Variants in EYA2 observed in about 807,000 individuals in gnomAD.
The protein encoded by EYA2 is protein phosphatase EYA2.
In EYA2, 31 loss-of-function variants were observed where a neutral mutation model predicts 69.2. The observed-to-expected ratio is 0.45, with a 90% CI of 0.34 to 0.60. The LOEUF is 0.60. Among genes scored for constraint, EYA2 ranks in the 20% least tolerant of loss-of-function variants. The pLI, the probability that EYA2 is intolerant of heterozygous loss-of-function variation, is 0.02. For synonymous variants in EYA2, 257 were observed against 279.4 expected (o/e 0.92, Z 0.80); for missense variants, 622 against 701.2 (o/e 0.89, Z 1.28).
intron 9 of EYA2, among the ~76,000 whole-genome samples, chr20:47,110,541 C>T (rs547384923): frequency 1.3e-5 from 2 of 152,274 alleles, no homozygotes; most frequent in Admixed American, 1.3e-4. Flanking sequence ...CTCTTAACCA[C>T]GTAACATGTC....
intron 8 of EYA2, 79 bp downstream of exon 8, chr20:47,089,460 C>G: frequency 1.3e-6 from 2 of 1,487,384 alleles, no homozygotes; most frequent in Non-Finnish European, 1.8e-6. Flanking sequence ...ACAGAGTTTT[C>G]TCCAAGTACG....
intron 1 of EYA2, among the ~76,000 whole-genome samples, chr20:46,908,253 T>C (rs570406085): frequency 4.6e-5 from 7 of 152,264 alleles, no homozygotes; most frequent in African/African-American, 4.8e-5. Context: ...AACACATATG[T>C]ATATAAGGTA....
chr20:47,143,090 T>C lies in EYA2; in HGVS notation c.920T>C (p.Met307Thr), dbSNP rs2033630430. The change falls in exon 10 of 16, where the codon ATG becomes ACG. Residue 307 changes from methionine (M) to threonine (T), a missense_variant. Physicochemically the swap from Met to Thr is moderately conservative, Grantham distance 81 (BLOSUM62 -1). Around this residue, in one of 2 missense-constraint regions of EYA2, gnomAD observed 257 missense variants for 351.5 expected, o/e 0.73. Transcript: ENST00000327619. ...ACGACGTCCGTGCGCATTGGCCTTATGATGGAAGAGATGATCTTCAACCTT... is the reference window on the plus strand; with the variant it reads ...ACGACGTCCGTGCGCATTGGCCTTACGATGGAAGAGATGATCTTCAACCTT... ...DTTTSVRIGL[M>T]MEEMIFNLAD... 2 of 1,614,014 alleles carry C rather than the reference T, an allele frequency of 1.2e-6. No homozygotes were observed. Among genetic ancestry groups the C allele is most frequent in the Non-Finnish European group, 8.5e-7 (1 of 1,179,954 alleles).
intron 9 of EYA2, among the ~76,000 whole-genome samples, chr20:47,135,828 AAAAAAAAAAAAAAC>A (rs1171444121): frequency 1.1e-5 from 1 of 87,000 alleles, no homozygotes; most frequent in Non-Finnish European, 2.2e-5. Context: ...CAAAAAAAAA[AAAAAAAAAAAAAAC>A]AAACAAACAA....
At chr20:47,072,942 C>T (rs73123769) in intron 6 of EYA2, among the ~76,000 whole-genome samples, 2,903 of 152,242 alleles carry the variant, frequency 0.019, 38 homozygotes, top group Non-Finnish European at 0.031. Flanking sequence ...AATTTCTTTT[C>T]CAGTGAGAAT....
At chr20:46,928,888 G>T (rs552116248) in intron 1 of EYA2, among the ~76,000 whole-genome samples, 1 of 152,072 alleles carries the variant, frequency 6.6e-6, no homozygotes, top group South Asian at 2.1e-4. Context: ...CCGATGTTAG[G>T]GGCCTCTACC....
intron 9 of EYA2, among the ~76,000 whole-genome samples, chr20:47,123,699 G>T (rs1306143329): frequency 1.3e-5 from 2 of 152,140 alleles, no homozygotes; most frequent in Non-Finnish European, 2.9e-5. Context: ...GATATGAAAA[G>T]GGACTAACGG....
In EYA2 at chr20:47,089,180, C is replaced by G. The variant is rs1200306184; in HGVS notation, c.662-59C>G. 8.2e-6 allele frequency: 13 copies of G among 1,590,106 alleles called. No individual in the cohort carries two copies. In the East Asian group the frequency reaches 2.9e-4, roughly 36 times the overall value. On this transcript the variant is annotated intron_variant, in intron 7 of 15. Coordinates refer to ENST00000327619, the MANE Select transcript of EYA2 (RefSeq NM_005244.5). ...CTAGACGGTGCTGTTGGGATATTTC[C>G]CAGGAGGAGACACCCAGCAAAGCTT... is the stretch of plus-strand genomic sequence containing the variant.
At chr20:47,050,499 C>T (rs567076045) in intron 5 of EYA2, among the ~76,000 whole-genome samples, 5 of 152,080 alleles carry the variant, frequency 3.3e-5, no homozygotes, top group Non-Finnish European at 7.4e-5. Flanking sequence ...ATAATTCAAG[C>T]AATGAAGATT....
intron 8 of EYA2, 43 bp from the exon 9 acceptor site, chr20:47,097,042 G>C: frequency 7.0e-7 from 1 of 1,437,814 alleles, no homozygotes; most frequent in Non-Finnish European, 9.8e-7. Flanking sequence ...TCAGATGCAC[G>C]TGAGTCCATT....
intron 10 of EYA2, among the ~76,000 whole-genome samples, chr20:47,163,908 C>T (rs377529108): frequency 5.7e-4 from 87 of 152,158 alleles, no homozygotes; most frequent in African/African-American, 2.0e-3. Flanking sequence ...TCCCTCGAGA[C>T]GGGGATTGCA....
chr20:47,101,550 A>G (rs1299084595), intron 9 of EYA2, among the ~76,000 whole-genome samples: 5 of 152,224 alleles, frequency 3.3e-5, no homozygotes, highest in Non-Finnish European at 7.3e-5. Context: ...TAGATATTCT[A>G]TTACTCTGAG....
intron 14 of EYA2, among the ~76,000 whole-genome samples, chr20:47,182,447 A>C (rs2034555416): frequency 6.7e-6 from 1 of 149,242 alleles, no homozygotes; most frequent in Non-Finnish European, 1.5e-5. Context: ...TGACCGACAT[A>C]GTGAAAACTC....
Position 46,939,050 on chromosome 20 carries a change from T to C in EYA2, c.-11+44063T>C, listed in dbSNP as rs57155178. ...CATAAGAACAGGTTGATTGCCCTTT[T>C]GGGAAACACTCCTTCCCCACTCTCA... On this transcript the variant is annotated intron_variant, in intron 1 of 15. Transcript: ENST00000327619. Among the ~76,000 whole-genome samples the C allele has an allele frequency of 7.8e-3, 1,193 of 152,248 alleles. 11 individuals are homozygous for C. Among genetic ancestry groups the C allele is most frequent in the African/African-American group, 0.026 (1,078 of 41,530 alleles).
At chr20:46,961,042 G>A (rs551436262) in intron 1 of EYA2, among the ~76,000 whole-genome samples, 2 of 152,180 alleles carry the variant, frequency 1.3e-5, no homozygotes, top group African/African-American at 4.8e-5. Flanking sequence ...TTATCAAAAA[G>A]ACCAAAATAA....
At chr20:46,967,302 C>T (rs1254223949) in intron 1 of EYA2, among the ~76,000 whole-genome samples, 1 of 152,202 alleles carries the variant, frequency 6.6e-6, no homozygotes, top group Non-Finnish European at 1.5e-5. Flanking sequence ...GCACCTGGCC[C>T]ACATCTCAAT....
rs111854406 is a variant in EYA2, at chr20:47,020,488, G to T, written c.415+4191G>T. 6.5e-3 allele frequency among the ~76,000 whole-genome samples: 991 copies of T among 152,100 alleles called. 10 individuals carry two copies. Among genetic ancestry groups the T allele is most frequent in the African/African-American group, 0.023 (936 of 41,472 alleles). On this transcript the variant is annotated intron_variant, in intron 5 of 15. Transcript: ENST00000327619. ...TTTCTTTATTTTAAGTTCACCCTGG[G>T]GTTTTTATAGCTGAAGTGTGTTTCT...
At chr20:47,012,581 C>T (rs1983136693) in intron 4 of EYA2, among the ~76,000 whole-genome samples, 1 of 152,204 alleles carries the variant, frequency 6.6e-6, no homozygotes, top group South Asian at 2.1e-4. Context: ...GCAACCTCCA[C>T]CTTCTAGTTT....
At chr20:47,117,595 C>T (rs1034482564) in intron 9 of EYA2, 9 of 969,312 alleles carry the variant, frequency 9.3e-6, no homozygotes, top group African/African-American at 5.3e-5. Flanking sequence ...ATCCAGTTGG[C>T]GATAGGCGGC....
Sources: gnomAD v4.1 joint callset for allele counts (sites outside exome capture counted in the v4.1 genomes callset) on GRCh38, gnomAD v4.1.1 for gene constraint, gnomAD v4.1.1 regional missense constraint, MANE v1.5 for transcripts, NCBI Gene and HGNC (gene_info 2026-07-23, HGNC 2026-07-21) for gene names.